The following COL24A1 variants were observed in gnomAD, a reference collection of about 807,000 sequenced individuals.
COL24A1 encodes collagen type XXIV alpha 1 chain.
A neutral mutation model predicts 253.9 loss-of-function variants in COL24A1; 224 were observed. That is an observed-to-expected ratio of 0.88 (90% CI 0.79 to 0.99). The LOEUF is 0.99. Among genes scored for constraint, COL24A1 ranks in the 50% least tolerant of loss-of-function variants. The pLI is 0.00. For missense variants in COL24A1, 2,131 were observed against 2,068.5 expected (o/e 1.03, Z -0.59); for synonymous variants, 685 against 673.7 (o/e 1.02, Z -0.26).
At position 85,734,729 on chromosome 1, in the gene COL24A1, TA is replaced by T; in HGVS notation, c.4998+19del. 1 of 1,597,332 alleles carries T rather than the reference TA, an allele frequency of 6.3e-7. No homozygotes were observed. The highest frequency in any genetic ancestry group is 8.6e-7 in the Non-Finnish European group (1 of 1,164,816). Reference sequence around the variant, plus strand: ...TTAAGTTAGTTATATTGAACAATTCTAAAAGTGCCATTTCCTTACCTTGCAG... The same window carrying T: ...TTAAGTTAGTTATATTGAACAATTCTAAAGTGCCATTTCCTTACCTTGCAG... On this transcript the variant is annotated intron_variant, in intron 59 of 59. Coordinates refer to ENST00000370571, the MANE Select transcript of COL24A1 (RefSeq NM_152890.7).
In COL24A1 at chr1:86,012,825, C is replaced by T. The variant is rs761287072; in HGVS notation, c.2310+4326G>A. 3.3e-5 allele frequency among the ~76,000 whole-genome samples: 5 copies of T among 152,256 alleles called. No homozygotes were observed. The East Asian group carries it at 9.7e-4, about 29-fold the overall frequency. On this transcript the variant is annotated intron_variant, in intron 19 of 59. Coordinates refer to ENST00000370571, the MANE Select transcript of COL24A1 (RefSeq NM_152890.7). Reference sequence around the variant, plus strand: ...ATGATATATCTCCTGCCTACTTTTCCAACTTCATTGTATACCACTTTCCTC... The same window carrying T: ...ATGATATATCTCCTGCCTACTTTTCTAACTTCATTGTATACCACTTTCCTC...
intron 24 of COL24A1, among the ~76,000 whole-genome samples, chr1:85,926,101 A>T (rs1308199904): frequency 6.6e-6 from 1 of 152,244 alleles, no homozygotes; most frequent in Non-Finnish European, 1.5e-5. Context: ...CCATCAGAGA[A>T]ATGCAAATCA....
At chr1:85,918,296 T>G (rs900150370) in intron 24 of COL24A1, among the ~76,000 whole-genome samples, 10 of 152,178 alleles carry the variant, frequency 6.6e-5, no homozygotes, top group Non-Finnish European at 1.3e-4. Context: ...TGGTATAAGA[T>G]AGGGATCCAG....
At chr1:85,924,846 A>G (rs1249083044) in intron 24 of COL24A1, among the ~76,000 whole-genome samples, 2 of 152,194 alleles carry the variant, frequency 1.3e-5, no homozygotes, top group Non-Finnish European at 2.9e-5. Context: ...AGAAAGAAAT[A>G]AAGGGTATTC....
At chr1:85,781,361 G>T in intron 51 of COL24A1, 88 bp from the exon 52 acceptor site, 2 of 852,198 alleles carry the variant, frequency 2.3e-6, no homozygotes, top group East Asian at 2.5e-5. Context: ...TGGTAAAAGA[G>T]CCATGTCTAC....
At chr1:86,069,650 C>T (rs1303550399) in intron 7 of COL24A1, among the ~76,000 whole-genome samples, 3 of 133,300 alleles carry the variant, frequency 2.3e-5, no homozygotes, top group Non-Finnish European at 3.3e-5. Context: ...TTCCAGCTGG[C>T]CCAGCAAAGA....
At chr1:85,877,808 TG>T (rs1420378858) in intron 32 of COL24A1, among the ~76,000 whole-genome samples, 3 of 152,266 alleles carry the variant, frequency 2.0e-5, no homozygotes, top group African/African-American at 7.2e-5. Context: ...CTAAGCATTT[TG>T]ACAAGGTATC....
intron 11 of COL24A1, among the ~76,000 whole-genome samples, chr1:86,049,529 T>A (rs1314544763): frequency 6.6e-6 from 1 of 152,170 alleles, no homozygotes; most frequent in Non-Finnish European, 1.5e-5. Context: ...ACTGGCAATG[T>A]AAATGAAGGA....
At chr1:86,130,000 T>C (rs1305965577) in intron 2 of COL24A1, among the ~76,000 whole-genome samples, 1 of 151,894 alleles carries the variant, frequency 6.6e-6, no homozygotes, top group Non-Finnish European at 1.5e-5. Context: ...TGGCCTTTTC[T>C]CTCTTGTGGT....
intron 53 of COL24A1, among the ~76,000 whole-genome samples, chr1:85,767,226 C>G (rs746239881): frequency 2.0e-5 from 3 of 152,046 alleles, no homozygotes; most frequent in Non-Finnish European, 4.4e-5. Flanking sequence ...TAGGTCTTAG[C>G]TAATAAAATC....
chr1:86,084,646 A>G (rs1702921375), intron 7 of COL24A1, among the ~76,000 whole-genome samples: 1 of 152,220 alleles, frequency 6.6e-6, no homozygotes, highest in African/African-American at 2.4e-5. Flanking sequence ...ATTTTAAAAG[A>G]CTTCTGGAAA....
At chr1:85,822,787 T>G (rs2101982292) in intron 45 of COL24A1, among the ~76,000 whole-genome samples, 2 of 152,280 alleles carry the variant, frequency 1.3e-5, no homozygotes, top group Middle Eastern at 6.8e-3. Flanking sequence ...CCTTCACCCT[T>G]GATATCTGAT....
intron 55 of COL24A1, among the ~76,000 whole-genome samples, chr1:85,760,239 T>C (rs1666716965): frequency 6.6e-6 from 1 of 151,814 alleles, no homozygotes; most frequent in Non-Finnish European, 1.5e-5. Flanking sequence ...TGCCTGGGGT[T>C]TTGCCATGTT....
chr1:86,062,217 T>G (rs1252376053), intron 8 of COL24A1, among the ~76,000 whole-genome samples: 1 of 152,066 alleles, frequency 6.6e-6, no homozygotes, highest in East Asian at 1.9e-4. Context: ...TTACTAGAGC[T>G]CACATAAATA....
At chr1:86,088,259 C>T (rs1703218643) in intron 7 of COL24A1, among the ~76,000 whole-genome samples, 1 of 152,096 alleles carries the variant, frequency 6.6e-6, no homozygotes, top group Non-Finnish European at 1.5e-5. Flanking sequence ...ACGAAGCAAC[C>T]AGGGCCTGAA....
At chr1:85,917,014 A>G (rs1222452837) in intron 24 of COL24A1, among the ~76,000 whole-genome samples, 1 of 152,220 alleles carries the variant, frequency 6.6e-6, no homozygotes, top group Non-Finnish European at 1.5e-5. Flanking sequence ...ATGGACACAG[A>G]TTAACTAAAA....
chr1:85,813,717 A>AT (rs1325334480), intron 47 of COL24A1, among the ~76,000 whole-genome samples: 1 of 150,134 alleles, frequency 6.7e-6, no homozygotes, highest in Non-Finnish European at 1.5e-5. Context: ...CGCCCGGCTA[A>AT]TTTTTTTGTA....
chr1:85,896,356 C>T lies in COL24A1; in HGVS notation c.2832G>A (p.Lys944=), dbSNP rs532411040. 8.7e-6 allele frequency: 14 copies of T among 1,612,740 alleles called. No individual in the cohort carries two copies. The South Asian group carries it at 1.2e-4, about 14-fold the overall frequency. The part of the protein sequence containing the change: ...LLGEQGIQGA[K]GEKGDQGKRG... ...TGAAATGAGAAAAATCAATGATTAC[C>T]TTGGCACCTTGTATACCTTGTTCCC... is the stretch of plus-strand genomic sequence containing the variant. The change falls in exon 29 of 60, where the codon AAG becomes AAA. Residue 944 remains lysine, a splice_region_variant and synonymous_variant. Transcript: ENST00000370571.
rs187573768 is a variant in COL24A1, at chr1:85,823,530, A to T, written c.3789+6T>A. 6.2e-7 allele frequency: 1 copy of T among 1,613,774 alleles called. No individual in the cohort carries two copies. The highest frequency in any genetic ancestry group is 8.5e-7 in the Non-Finnish European group (1 of 1,179,836). On this transcript the variant is annotated splice_donor_region_variant and intron_variant, in intron 45 of 59. Transcript: ENST00000370571. ...TCTCAAATTGCCTTAAATAATTTCA[A>T]CTTACTTCAGATCCTCTCTCTCCTT...
Sources: gnomAD v4.1 joint callset for allele counts (sites outside exome capture counted in the v4.1 genomes callset) on GRCh38, gnomAD v4.1.1 for gene constraint, MANE v1.5 for transcripts, NCBI Gene and HGNC (gene_info 2026-07-23, HGNC 2026-07-21) for gene names.